Variants in RTL9 observed in about 807,000 individuals in gnomAD.
The protein encoded by RTL9 is retrotransposon Gag like 9.
Under a neutral mutation model 44.7 loss-of-function variants are expected in RTL9, and 19 were observed. The ratio of observed to expected loss-of-function variants is 0.42; its 90% confidence interval spans 0.30 to 0.62. The LOEUF (loss-of-function observed/expected upper bound fraction) is 0.62, where lower values mean the gene tolerates loss of function less well. Ranked by LOEUF, RTL9 falls within the 20% of genes least tolerant of loss-of-function variation. The pLI, the probability that RTL9 is intolerant of heterozygous loss-of-function variation, is 0.16. For missense variants in RTL9, 1,105 were observed against 1,080.6 expected (o/e 1.02, Z -0.32); for synonymous variants, 407 against 398.9 (o/e 1.02, Z -0.24).
At chrX:110,389,727 A>G (rs1482380878) in intron 1 of RTL9, among the ~76,000 whole-genome samples, 1 of 110,616 alleles carries the variant, frequency 9.0e-6, no homozygotes, top group African/African-American at 3.3e-5. Context: ...GGGAGAAAGT[A>G]GAAAGGGAGA....
chrX:110,403,399 G>C (rs754756342), intron 1 of RTL9, among the ~76,000 whole-genome samples: 3 of 112,247 alleles, frequency 2.7e-5, no homozygotes, highest in Non-Finnish European at 3.8e-5. Flanking sequence ...TTGACCTGAG[G>C]AGCAGCAAGG....
At chrX:110,438,252 G>A (rs1468218313) in intron 1 of RTL9, among the ~76,000 whole-genome samples, 1 of 111,421 alleles carries the variant, frequency 9.0e-6, no homozygotes, top group Non-Finnish European at 1.9e-5. Flanking sequence ...TTTAACTGAT[G>A]CCAAAGCCCT....
chrX:110,432,892 G>A (rs2068808290), intron 1 of RTL9, among the ~76,000 whole-genome samples: 1 of 112,834 alleles, frequency 8.9e-6, no homozygotes, highest in African/African-American at 3.2e-5. Flanking sequence ...ATCCTCAGAC[G>A]CTTCTAGGAG....
chrX:110,425,276 G>T (rs952248110), intron 1 of RTL9, among the ~76,000 whole-genome samples: 2 of 112,387 alleles, frequency 1.8e-5, no homozygotes, highest in African/African-American at 6.5e-5. Context: ...AATGATGGGG[G>T]TGTGGCAGGG....
rs145500444 is a variant in RTL9 at position 110,451,805 on chromosome X, G to A, written c.1188G>A (p.Gly396=). 1.6e-4 allele frequency: 192 copies of A among 1,208,252 alleles called. No individual in the cohort carries two copies. In the African/African-American group the frequency reaches 3.0e-3, roughly 19 times the overall value. The stretch of plus-strand genomic sequence containing the variant: ...CGCCAGTGAGAGCAACAGCCTCTGG[G>A]GTGATGTCTGCACCACCAGTAAGAG... Residue 396 remains glycine (G), a synonymous_variant, in exon 1 of 2, where the codon GGG becomes GGA. Transcript: ENST00000540313.
intron 1 of RTL9, among the ~76,000 whole-genome samples, chrX:110,378,360 G>A (rs1288661629): frequency 9.0e-6 from 1 of 110,992 alleles, no homozygotes; most frequent in African/African-American, 3.3e-5. Flanking sequence ...TGACTGTTGC[G>A]ATAGCCTCCT....
chrX:110,410,068 C>T (rs1260489343), intron 1 of RTL9, among the ~76,000 whole-genome samples: 3 of 111,776 alleles, frequency 2.7e-5, no homozygotes. Flanking sequence ...TGATGAGGAA[C>T]CCAGTTAGGG....
chrX:110,386,724 C>G (rs1360021489), intron 1 of RTL9, among the ~76,000 whole-genome samples: 1 of 111,708 alleles, frequency 9.0e-6, no homozygotes, highest in Non-Finnish European at 1.9e-5. Context: ...AGAATGAGAT[C>G]TAAAATCACC....
At position 110,361,324 on chromosome X, in the gene RTL9, T is replaced by C. The variant is rs1441851300; in HGVS notation, c.-168+2408T>C. On this transcript the variant is annotated intron_variant, in intron 1 of 2. Transcript: ENST00000520821. ...TAGAATCTGACCACTTTTTCATTGC[T>C]ACTATCCTGGTTTATGTCACAATGA... 8.0e-5 allele frequency among the ~76,000 whole-genome samples: 9 copies of C among 112,010 alleles called. No homozygotes were observed. In the Admixed American group the frequency reaches 8.6e-4, roughly 11 times the overall value.
upstream of RTL9, among the ~76,000 whole-genome samples, chrX:110,450,293 G>T (rs2068931206): frequency 9.0e-6 from 1 of 111,463 alleles, no homozygotes; most frequent in Non-Finnish European, 1.9e-5. Context: ...TTTGAGTCAG[G>T]ACTGCCCAGG....
intron 1 of RTL9, among the ~76,000 whole-genome samples, chrX:110,378,499 C>T (rs762183165): frequency 6.2e-5 from 7 of 112,239 alleles, no homozygotes; most frequent in Non-Finnish European, 9.4e-5. Flanking sequence ...GAGTAACGTA[C>T]TAGCTCCTCA....
chrX:110,433,257 G>C (rs947655997), intron 1 of RTL9, among the ~76,000 whole-genome samples: 8 of 112,569 alleles, frequency 7.1e-5, no homozygotes, highest in African/African-American at 2.6e-4. Flanking sequence ...AGACAAAACA[G>C]GGGTAGTGCA....
upstream of RTL9, among the ~76,000 whole-genome samples, chrX:110,416,735 G>T (rs140347862): frequency 8.9e-6 from 1 of 112,008 alleles, no homozygotes; most frequent in East Asian, 2.8e-4. Flanking sequence ...GCTTCTAAGC[G>T]TCCTGTGGGG....
upstream of RTL9, among the ~76,000 whole-genome samples, chrX:110,417,312 C>A (rs982609862): frequency 8.9e-6 from 1 of 112,067 alleles, no homozygotes; most frequent in South Asian, 3.8e-4. Flanking sequence ...GGAGGAGGCA[C>A]ATCTGGTTTG....
At chrX:110,435,465 C>A (rs894623593) in intron 1 of RTL9, among the ~76,000 whole-genome samples, 8 of 112,085 alleles carry the variant, frequency 7.1e-5, no homozygotes, top group African/African-American at 2.6e-4. Context: ...CACAGCTGGT[C>A]TCCTAGGAGT....
intron 1 of RTL9, among the ~76,000 whole-genome samples, chrX:110,444,252 A>G (rs989182137): frequency 8.9e-6 from 1 of 112,718 alleles, no homozygotes; most frequent in African/African-American, 3.2e-5. Flanking sequence ...GGCAACTTTT[A>G]TTTCTCTCTG....
rs764591800 is a variant in RTL9 at position 110,411,136 on chromosome X, G to C, written c.-167-34017G>C. 8.4e-4 allele frequency among the ~76,000 whole-genome samples: 94 copies of C among 112,066 alleles called. 1 individual carries two copies. The highest frequency in any genetic ancestry group is 1.6e-3 in the Non-Finnish European group (86 of 53,216). On this transcript the variant is annotated intron_variant, in intron 1 of 2. Coordinates refer to the RTL9 transcript ENST00000520821. Reference sequence around the variant, plus strand: ...GCAAGAGAAGTCAGGGGGCCTATTGGAAAGGAAAAATACTGTGGCCTCCGA... The same window carrying C: ...GCAAGAGAAGTCAGGGGGCCTATTGCAAAGGAAAAATACTGTGGCCTCCGA...
intron 1 of RTL9, among the ~76,000 whole-genome samples, chrX:110,424,709 A>G (rs2068741869): frequency 8.9e-6 from 1 of 111,897 alleles, no homozygotes; most frequent in Non-Finnish European, 1.9e-5. Context: ...AATTATAAGT[A>G]GTATATCAGA....
exon 2 of RTL9, chrX:110,455,451 A>C (rs995801276): frequency 1.2e-6 from 1 of 800,638 alleles, no homozygotes; most frequent in Admixed American, 3.0e-5. Context: ...CTCCAGGCAC[A>C]TCCCACCTTA....
Sources: allele counts gnomAD v4.1 joint callset (sites outside exome capture counted in the v4.1 genomes callset), GRCh38; gene constraint gnomAD v4.1.1; transcripts MANE v1.5; gene names NCBI Gene and HGNC (gene_info 2026-07-23, HGNC 2026-07-21).